The following PLCH1 variants were observed in gnomAD, a reference collection of about 807,000 sequenced individuals.
PLCH1 encodes phospholipase C eta 1.
In PLCH1, 60 loss-of-function variants were observed where a neutral mutation model predicts 126.7. That is an observed-to-expected ratio of 0.47 (90% CI 0.38 to 0.59). The LOEUF is 0.59. Ranked by LOEUF, PLCH1 falls within the 20% of genes least tolerant of loss-of-function variation. The pLI is 0.00. For missense variants in PLCH1, 1,723 were observed against 2,040.0 expected, an observed-to-expected ratio of 0.84 and a Z score of 2.99; for synonymous variants, 719 against 734.9, an observed-to-expected ratio of 0.98 and a Z score of 0.35.
chr3:155,473,581 A>G (rs1323558581), intron 21 of PLCH1, among the ~76,000 whole-genome samples: 3 of 151,594 alleles, frequency 2.0e-5, no homozygotes, highest in Non-Finnish European at 4.4e-5. Flanking sequence ...ACTACTTTAA[A>G]GTTCATATGG....
intron 2 of PLCH1, among the ~76,000 whole-genome samples, chr3:155,695,254 C>T (rs1429726515): frequency 1.3e-5 from 2 of 152,134 alleles, no homozygotes; most frequent in Non-Finnish European, 2.9e-5. Flanking sequence ...TGGTTTTGTC[C>T]TTGCCCATTT....
intron 10 of PLCH1, among the ~76,000 whole-genome samples, chr3:155,537,275 C>T (rs1283516575): frequency 2.3e-5 from 2 of 88,628 alleles, no homozygotes; most frequent in African/African-American, 4.7e-5. Context: ...CCTCAAAATA[C>T]ACCGAAATAA....
At chr3:155,553,264 A>T (rs1726374268) in intron 9 of PLCH1, among the ~76,000 whole-genome samples, 1 of 152,054 alleles carries the variant, frequency 6.6e-6, no homozygotes, top group African/African-American at 2.4e-5. Context: ...ACAGATGTGT[A>T]CCACTACATC....
intron 14 of PLCH1, 67 bp from the exon 15 acceptor site, chr3:155,497,484 C>T (rs1458468181): frequency 9.2e-7 from 1 of 1,084,036 alleles, no homozygotes; most frequent in African/African-American, 1.6e-5. Context: ...CTTGGTTATC[C>T]CACTTTCCTT....
intron 13 of PLCH1, 74 bp from the exon 14 acceptor site, chr3:155,500,868 G>A: frequency 1.0e-6 from 1 of 993,094 alleles, no homozygotes; most frequent in Non-Finnish European, 1.6e-6. Flanking sequence ...AGAATGAGCT[G>A]GGCTTTAAAA....
chr3:155,469,831 G>A (rs1287966727), intron 21 of PLCH1, among the ~76,000 whole-genome samples: 4 of 151,882 alleles, frequency 2.6e-5, no homozygotes, highest in South Asian at 2.1e-4. Flanking sequence ...CACCTCACAC[G>A]GCAGGGTATT....
chr3:155,679,870 G>A (rs561200286), intron 2 of PLCH1, among the ~76,000 whole-genome samples: 36 of 152,222 alleles, frequency 2.4e-4, no homozygotes, highest in Non-Finnish European at 4.3e-4. Context: ...AAGATCACAC[G>A]GCTGTGATGA....
intron 1 of PLCH1, among the ~76,000 whole-genome samples, chr3:155,716,898 G>A (rs537836754): frequency 1.4e-3 from 215 of 152,278 alleles, no homozygotes; most frequent in Middle Eastern, 6.8e-3. Flanking sequence ...TCAAAAGTCC[G>A]AAGTCCAAGG....
chr3:155,717,178 G>A (rs1307304146), intron 1 of PLCH1, among the ~76,000 whole-genome samples: 8 of 152,246 alleles, frequency 5.3e-5, no homozygotes, highest in East Asian at 1.9e-4. Context: ...CCAAGACCTT[G>A]GGCAGCACTG....
chr3:155,633,916 AAAAC>A (rs1553743208), intron 2 of PLCH1, among the ~76,000 whole-genome samples: 3 of 152,214 alleles, frequency 2.0e-5, no homozygotes, highest in Non-Finnish European at 4.4e-5. Flanking sequence ...TCTGTCTCAA[AAAAC>A]AAACAAACAA....
intron 2 of PLCH1, among the ~76,000 whole-genome samples, chr3:155,622,829 T>G (rs1736697646): frequency 6.6e-6 from 1 of 152,008 alleles, no homozygotes; most frequent in Admixed American, 6.6e-5. Context: ...CTTTAACACC[T>G]CACTGTCAAT....
chr3:155,534,985 C>G (rs1375113830), intron 10 of PLCH1, among the ~76,000 whole-genome samples: 1 of 152,248 alleles, frequency 6.6e-6, no homozygotes, highest in East Asian at 1.9e-4. Context: ...TTCTCTGTGT[C>G]AGGTATTTCT....
downstream of PLCH1, among the ~76,000 whole-genome samples, chr3:155,479,204 T>A (rs796099663): frequency 6.0e-4 from 92 of 152,312 alleles, no homozygotes; most frequent in African/African-American, 2.0e-3. Flanking sequence ...TTAACAGCTG[T>A]ACAGCATGTC....
intron 2 of PLCH1, among the ~76,000 whole-genome samples, chr3:155,653,355 T>C (rs1740981601): frequency 6.6e-6 from 1 of 152,158 alleles, no homozygotes; most frequent in Non-Finnish European, 1.5e-5. Context: ...TTTTCTTCCC[T>C]TCCTCTGGTG....
chr3:155,535,288 G>A (rs1440228117), intron 10 of PLCH1, among the ~76,000 whole-genome samples: 1 of 152,196 alleles, frequency 6.6e-6, no homozygotes. Context: ...GGGCAGTGAC[G>A]GGAGCAAACA....
intron 2 of PLCH1, among the ~76,000 whole-genome samples, chr3:155,644,463 C>T (rs1390135666): frequency 6.6e-6 from 1 of 152,000 alleles, no homozygotes; most frequent in Non-Finnish European, 1.5e-5. Context: ...ATTAGCCAGG[C>T]ATAGTGGCAG....
At chr3:155,528,950 C>A (rs1164223600) in intron 10 of PLCH1, among the ~76,000 whole-genome samples, 1 of 152,182 alleles carries the variant, frequency 6.6e-6, no homozygotes, top group Non-Finnish European at 1.5e-5. Context: ...TTTTTCCAGG[C>A]TGGCAAATAT....
intron 2 of PLCH1, among the ~76,000 whole-genome samples, chr3:155,693,991 A>C (rs955994073): frequency 6.6e-6 from 1 of 152,164 alleles, no homozygotes; most frequent in Non-Finnish European, 1.5e-5. Context: ...CCAAGCATAG[A>C]TGATTCTTCT....
chr3:155,557,544 G>A (rs1334309190), intron 8 of PLCH1, among the ~76,000 whole-genome samples: 1 of 152,150 alleles, frequency 6.6e-6, no homozygotes, highest in East Asian at 1.9e-4. Flanking sequence ...TCCATCACTT[G>A]TCTGTGAGAT....
Sources: gnomAD v4.1 joint callset for allele counts (sites outside exome capture counted in the v4.1 genomes callset) on GRCh38, gnomAD v4.1.1 for gene constraint, MANE v1.5 for transcripts, NCBI Gene and HGNC (gene_info 2026-07-23, HGNC 2026-07-21) for gene names.